The following SPMAP2 variants were observed in gnomAD, a reference collection of about 807,000 sequenced individuals.
SPMAP2 encodes the protein sperm microtubule associated protein 2.
At chr19:367,682 G>A in the SPMAP2 span, among the ~76,000 whole-genome samples, 1 of 152,176 alleles carries the variant, frequency 6.6e-6, no homozygotes, top group African/African-American at 2.4e-5. Context: ...CTGAACACGC[G>A]CAGGCTTGGT....
chr19:362,199 C>G, the SPMAP2 span: 1 of 1,492,544 alleles, frequency 6.7e-7, no homozygotes, highest in Admixed American at 2.2e-5. Context: ...GAGCGGAGGT[C>G]TTAGAGGCCA....
the SPMAP2 span, among the ~76,000 whole-genome samples, chr19:372,075 T>C: frequency 6.6e-6 from 1 of 152,246 alleles, no homozygotes; most frequent in Non-Finnish European, 1.5e-5. Flanking sequence ...GTGAGGACAG[T>C]GTGTGCGACA....
the SPMAP2 span, among the ~76,000 whole-genome samples, chr19:372,032 A>C: frequency 6.6e-6 from 1 of 152,244 alleles, no homozygotes; most frequent in Non-Finnish European, 1.5e-5. Context: ...TTCAGGTCAC[A>C]GTATGATTTG....
At chr19:375,831 C>A in the SPMAP2 span, 4 of 1,605,670 alleles carry the variant, frequency 2.5e-6, no homozygotes, top group African/African-American at 2.7e-5. Flanking sequence ...CAGGTCCTGG[C>A]GTTCGGGGTC....
chr19:364,191 G>T, the SPMAP2 span, among the ~76,000 whole-genome samples: 4 of 150,512 alleles, frequency 2.7e-5, no homozygotes, highest in East Asian at 2.0e-4. Context: ...AAAAAAATTA[G>T]CCGGGCGTGG....
the SPMAP2 span, among the ~76,000 whole-genome samples, chr19:365,881 G>A: frequency 4.6e-5 from 7 of 152,156 alleles, no homozygotes; most frequent in Non-Finnish European, 1.0e-4. Flanking sequence ...GCGGTGTCAT[G>A]CCTGTAATCC....
At chr19:365,776 C>T in the SPMAP2 span, among the ~76,000 whole-genome samples, 1 of 150,966 alleles carries the variant, frequency 6.6e-6, no homozygotes, top group African/African-American at 2.4e-5. Context: ...AGTGTGAGCA[C>T]AAACAGCCAC....
chr19:375,745 C>A, the SPMAP2 span: 1 of 1,610,038 alleles, frequency 6.2e-7, no homozygotes, highest in Non-Finnish European at 8.5e-7. Flanking sequence ...TCCAGGGTCT[C>A]CGGGAACTCC....
the SPMAP2 span, chr19:374,538 C>T: frequency 4.3e-5 from 61 of 1,420,536 alleles, 1 homozygote; most frequent in Admixed American, 2.4e-4. Context: ...CCTGCCCACC[C>T]GCCTCTCCTT....
chr19:372,542 C>G, the SPMAP2 span: 1 of 1,395,234 alleles, frequency 7.2e-7, no homozygotes. Context: ...GACCTGGACC[C>G]TTTCCCACAC....
the SPMAP2 span, among the ~76,000 whole-genome samples, chr19:368,666 A>G: frequency 1.3e-5 from 2 of 152,180 alleles, no homozygotes; most frequent in South Asian, 4.1e-4. This position sits in a 1 kb window ranked among gnomAD's most constrained non-coding sequence, Gnocchi z 4.1. Flanking sequence ...AACCATCCCC[A>G]AAGGTCACTG....
the SPMAP2 span, chr19:375,972 C>T: frequency 5.7e-6 from 8 of 1,404,368 alleles, no homozygotes; most frequent in African/African-American, 2.9e-5. Context: ...GTCCCCCATA[C>T]ACCGGTCCCT....
the SPMAP2 span, chr19:373,980 T>G: frequency 6.2e-7 from 1 of 1,613,560 alleles, no homozygotes; most frequent in Non-Finnish European, 8.5e-7. Context: ...CATGGGGAGA[T>G]CCAGGCATAC....
At chr19:373,830 C>A in the SPMAP2 span, 1 of 1,081,326 alleles carries the variant, frequency 9.2e-7, no homozygotes, top group South Asian at 1.4e-5. Context: ...GAGGAGCCCT[C>A]CCTGATCCTC....
the SPMAP2 span, chr19:373,627 G>T: frequency 7.9e-7 from 1 of 1,265,826 alleles, no homozygotes; most frequent in South Asian, 1.3e-5. Context: ...GGCCGAGGTG[G>T]GGTGTGGAGT....
the SPMAP2 span, chr19:375,681 T>C: frequency 1.3e-6 from 2 of 1,587,394 alleles, no homozygotes; most frequent in Non-Finnish European, 1.7e-6. Context: ...AGGAATGTCC[T>C]CTTCCAAGTC....
the SPMAP2 span, among the ~76,000 whole-genome samples, chr19:366,722 C>CAATT: frequency 5.4e-3 from 825 of 152,294 alleles, 7 homozygotes; most frequent in African/African-American, 0.019. Flanking sequence ...ACTTCTCTGG[C>CAATT]AATTCGCACA....
chr19:369,843 G>A, the SPMAP2 span, among the ~76,000 whole-genome samples: 1 of 152,208 alleles, frequency 6.6e-6, no homozygotes, highest in African/African-American at 2.4e-5. Context: ...GATCACTTAG[G>A]GTGGGGCAAA....
the SPMAP2 span, among the ~76,000 whole-genome samples, chr19:363,929 T>C: frequency 6.6e-6 from 1 of 151,944 alleles, no homozygotes; most frequent in Non-Finnish European, 1.5e-5. Context: ...CTTGAACTGC[T>C]GGGTTCCAGC....
Sources: allele counts gnomAD v4.1 joint callset (sites outside exome capture counted in the v4.1 genomes callset), GRCh38; gene constraint gnomAD v4.1.1; non-coding constraint Gnocchi (gnomAD v3.1); transcripts MANE v1.5; gene names NCBI Gene and HGNC (gene_info 2026-07-23, HGNC 2026-07-21).